The following ADAM18 variants were observed in gnomAD, a reference collection of about 807,000 sequenced individuals.
ADAM18 encodes ADAM metallopeptidase domain 18.
In ADAM18, 117 loss-of-function variants were observed where a neutral mutation model predicts 94.4. That is an observed-to-expected ratio of 1.24 (90% confidence interval 1.07 to 1.45). The LOEUF (loss-of-function observed/expected upper bound fraction) is 1.45. Ranked by LOEUF, ADAM18 falls within the 40% of genes most tolerant of loss-of-function variation. The pLI is 0.00. For synonymous variants in ADAM18, 327 were observed against 291.6 expected (o/e 1.12, Z -1.24); for missense variants, 936 against 880.0 (o/e 1.06, Z -0.81).
chr8:39,630,333 A>G (rs1819897569), intron 7 of ADAM18, among the ~76,000 whole-genome samples: 1 of 151,424 alleles, frequency 6.6e-6, no homozygotes, highest in Non-Finnish European at 1.5e-5. Context: ...ATGCAACCAA[A>G]TAATTATGAG....
chr8:39,721,364 T>C (rs1037537461), intron 18 of ADAM18, among the ~76,000 whole-genome samples: 1 of 151,402 alleles, frequency 6.6e-6, no homozygotes, highest in South Asian at 2.1e-4. Flanking sequence ...AATTTATGAC[T>C]CAAAGACCTC....
intron 19 of ADAM18, among the ~76,000 whole-genome samples, chr8:39,728,573 A>G (rs1822986232): frequency 2.0e-5 from 3 of 152,206 alleles, no homozygotes; most frequent in Admixed American, 6.5e-5. Context: ...TAAGGTGTAT[A>G]GGACTATTTA....
At chr8:39,612,061 C>T (rs1284818762) in intron 6 of ADAM18, among the ~76,000 whole-genome samples, 2 of 151,716 alleles carry the variant, frequency 1.3e-5, no homozygotes, top group Non-Finnish European at 2.9e-5. Context: ...AACTTCTTAC[C>T]CATAAACAAT....
intron 10 of ADAM18, among the ~76,000 whole-genome samples, chr8:39,641,952 T>G (rs536258917): frequency 6.6e-6 from 1 of 152,290 alleles, no homozygotes; most frequent in Non-Finnish European, 1.5e-5. Context: ...TAATAGCCAC[T>G]CTTACTAGTG....
intron 7 of ADAM18, among the ~76,000 whole-genome samples, chr8:39,634,225 G>A (rs192918944): frequency 2.6e-5 from 4 of 152,216 alleles, no homozygotes; most frequent in Non-Finnish European, 5.9e-5. Flanking sequence ...TGTGAACCTT[G>A]GCTGTGTCCA....
At chr8:39,699,632 T>G (rs1312199630) in intron 17 of ADAM18, among the ~76,000 whole-genome samples, 2 of 152,188 alleles carry the variant, frequency 1.3e-5, no homozygotes, top group Non-Finnish European at 2.9e-5. Flanking sequence ...AATGCAATAC[T>G]TATAAATCAC....
intron 6 of ADAM18, among the ~76,000 whole-genome samples, chr8:39,612,664 C>G (rs1267755127): frequency 1.3e-5 from 2 of 152,148 alleles, no homozygotes; most frequent in Non-Finnish European, 2.9e-5. Flanking sequence ...GCCTGCCTTG[C>G]CTGTGGGACA....
intron 7 of ADAM18, among the ~76,000 whole-genome samples, chr8:39,633,475 G>T (rs1216735408): frequency 2.5e-4 from 38 of 152,132 alleles, no homozygotes; most frequent in Admixed American, 2.5e-3. Context: ...AAGTGGTCAT[G>T]AACAGAATGC....
At chr8:39,624,420 A>G (rs1489948682) in intron 6 of ADAM18, among the ~76,000 whole-genome samples, 3 of 152,016 alleles carry the variant, frequency 2.0e-5, no homozygotes, top group Admixed American at 6.6e-5. Context: ...CCTTCCCCCA[A>G]TTTATGTTTT....
At chr8:39,605,385 T>A (rs917204911) in intron 2 of ADAM18, among the ~76,000 whole-genome samples, 36 of 152,198 alleles carry the variant, frequency 2.4e-4, no homozygotes, top group African/African-American at 8.7e-4. Context: ...TGATAGTTTA[T>A]AACTCTTGTC....
chr8:39,606,866 G>A (rs542895863), intron 3 of ADAM18, among the ~76,000 whole-genome samples: 13 of 152,250 alleles, frequency 8.5e-5, no homozygotes, highest in South Asian at 2.1e-4. Flanking sequence ...GTTCTCTGGC[G>A]GGCAGGGGCG....
intron 13 of ADAM18, among the ~76,000 whole-genome samples, chr8:39,665,178 A>G (rs1820963625): frequency 6.6e-6 from 1 of 152,202 alleles, no homozygotes; most frequent in Non-Finnish European, 1.5e-5. Flanking sequence ...TATCACATAA[A>G]TTGAATCATA....
At chr8:39,628,028 T>C (rs553898035) in intron 6 of ADAM18, among the ~76,000 whole-genome samples, 2 of 152,224 alleles carry the variant, frequency 1.3e-5, no homozygotes, top group South Asian at 4.1e-4. Context: ...ATAAAGAGAC[T>C]AAAGATGAAT....
intron 10 of ADAM18, among the ~76,000 whole-genome samples, chr8:39,645,019 C>G (rs1198613571): frequency 6.6e-6 from 1 of 152,092 alleles, no homozygotes; most frequent in Non-Finnish European, 1.5e-5. Flanking sequence ...GAATTGATAT[C>G]TATTCATTGG....
chr8:39,664,866 G>A lies in ADAM18; in HGVS notation c.1326+976G>A, dbSNP rs186511239. 1.3e-3 allele frequency among the ~76,000 whole-genome samples: 196 copies of A among 152,180 alleles called. 1 individual carries two copies. The highest frequency in any genetic ancestry group is 4.3e-3 in the African/African-American group (177 of 41,538). ...GGATAAGAAAACAAGTTCCTTAGTAGCAAGATATTTTATTATTCCAATTCT... is the reference window on the plus strand; with the variant it reads ...GGATAAGAAAACAAGTTCCTTAGTAACAAGATATTTTATTATTCCAATTCT... On this transcript the variant is annotated intron_variant, in intron 13 of 19. Transcript: ENST00000265707.
At chr8:39,694,274 T>C (rs1411439251) in intron 17 of ADAM18, among the ~76,000 whole-genome samples, 2 of 151,374 alleles carry the variant, frequency 1.3e-5, no homozygotes, top group African/African-American at 4.8e-5. Context: ...TTATTTCTAG[T>C]TTGTTTTCTA....
At chr8:39,718,137 C>T (rs115423727) in intron 18 of ADAM18, among the ~76,000 whole-genome samples, 6 of 151,454 alleles carry the variant, frequency 4.0e-5, no homozygotes, top group Non-Finnish European at 8.9e-5. Context: ...AATGGTGCAG[C>T]TGTTATGAAA....
intron 14 of ADAM18, among the ~76,000 whole-genome samples, chr8:39,674,474 G>A (rs559694120): frequency 3.3e-4 from 50 of 152,094 alleles, no homozygotes; most frequent in African/African-American, 1.2e-3. Context: ...CATTTGCTTG[G>A]TAGATCGTCC....
chr8:39,636,965 A>G (rs1820088871), intron 7 of ADAM18, among the ~76,000 whole-genome samples: 1 of 149,566 alleles, frequency 6.7e-6, no homozygotes, highest in African/African-American at 2.4e-5. Context: ...ATGTTTTCAC[A>G]AATGACAGGA....
Sources: allele counts gnomAD v4.1 joint callset (sites outside exome capture counted in the v4.1 genomes callset), GRCh38; gene constraint gnomAD v4.1.1; transcripts MANE v1.5; gene names NCBI Gene and HGNC (gene_info 2026-07-23, HGNC 2026-07-21).